Variants in FHIP2A observed in about 807,000 individuals in gnomAD.
FHIP2A encodes the protein family with sequence similarity 160 member B1.
Under a neutral mutation model 93.5 loss-of-function variants are expected in FHIP2A, and 46 were observed. The observed-to-expected ratio is 0.49, with a 90% CI of 0.39 to 0.63. FHIP2A has a LOEUF of 0.63. FHIP2A is among the 20% of genes least tolerant of loss of function. The pLI, the probability that FHIP2A is intolerant of heterozygous loss-of-function variation, is 0.00. For synonymous variants in FHIP2A, 332 were observed against 326.5 expected (o/e 1.02, Z -0.18); for missense variants, 769 against 909.7 (o/e 0.85, Z 1.99).
chr10:114,843,724 AT>A lies in FHIP2A; in HGVS notation c.817-8del, dbSNP rs562216673. Reference sequence around the variant, plus strand: ...TATACAATTCAAGAATTGAAGGGGGATTTTTTTTTCCTTTAGGATGGCAGAA... The same window carrying A: ...TATACAATTCAAGAATTGAAGGGGGATTTTTTTTCCTTTAGGATGGCAGAA... On this transcript the variant is annotated splice_polypyrimidine_tract_variant and intron_variant, in intron 6 of 16. Coordinates refer to ENST00000369248, the MANE Select transcript of FHIP2A (RefSeq NM_020940.4). 9.9e-5 allele frequency: 145 copies of A among 1,464,286 alleles called. 1 individual carries two copies. Among genetic ancestry groups the A allele is most frequent in the South Asian group, 9.9e-4 (66 of 66,756 alleles). 90.7% of individuals were successfully genotyped at this position (1,464,286 alleles called of 1,614,324 possible). A position where few individuals can be genotyped will look rare whatever the true frequency, so the allele number is the denominator to read the frequency against.
intron 7 of FHIP2A, among the ~76,000 whole-genome samples, chr10:114,844,985 G>A (rs1488742583): frequency 6.9e-6 from 1 of 145,962 alleles, no homozygotes; most frequent in Non-Finnish European, 1.5e-5. Context: ...TTAGTAGAGA[G>A]AGAGAGAGAG....
At chr10:114,828,143 T>G (rs2083588150) in intron 1 of FHIP2A, among the ~76,000 whole-genome samples, 1 of 152,204 alleles carries the variant, frequency 6.6e-6, no homozygotes, top group Admixed American at 6.5e-5. Flanking sequence ...AACAAGATTA[T>G]TACTAATCTA....
Position 114,863,251 on chromosome 10 carries a change from A to AT in FHIP2A, c.*1718dup, listed in dbSNP as rs34310961. 0.38 allele frequency: 369,796 copies of AT among 979,180 alleles called. 71,556 individuals are homozygous for AT. The highest frequency in any genetic ancestry group is 0.39 in the Non-Finnish European group (324,756 of 824,304). 60.7% of individuals were successfully genotyped at this position (979,180 alleles called of 1,614,324 possible). On this transcript the variant is annotated 3_prime_UTR_variant, in exon 17 of 17. Transcript: ENST00000369248. ...GATGTGAAGGCATTCAGTTTGCTGT[A>AT]TTTTTTTAATCACTTCATACAAGGA...
At chr10:114,894,395 CAAAAAA>C (rs3086069) in intron 16 of FHIP2A, among the ~76,000 whole-genome samples, 3 of 109,258 alleles carry the variant, frequency 2.7e-5, no homozygotes, top group Non-Finnish European at 5.7e-5. Flanking sequence ...CCCATCTCTA[CAAAAAA>C]AAAAAAAAAA....
At position 114,833,260 on chromosome 10, in the gene FHIP2A, A is replaced by G; in HGVS notation, c.152A>G (p.Asn51Ser). Reference sequence around the variant, plus strand: ...GATAAAGCCCCAGTGACCGATACAAATATTCCATCGCATCTGGAACAGATG... The same window carrying G: ...GATAAAGCCCCAGTGACCGATACAAGTATTCCATCGCATCTGGAACAGATG... ...SDDKAPVTDT[N>S]IPSHLEQMLD... Residue 51 changes from asparagine (N) to serine (S), a missense_variant, in exon 3 of 17, where the codon AAT becomes AGT. Physicochemically the swap from Asn to Ser is conservative, Grantham distance 46. Transcript: ENST00000369248. 1.2e-6 allele frequency: 2 copies of G among 1,612,102 alleles called. No homozygotes were observed. Among genetic ancestry groups the G allele is most frequent in the South Asian group, 1.1e-5 (1 of 90,422 alleles).
rs1268744089 is a variant in FHIP2A, at chr10:114,849,107, A to G, written c.1803+370A>G. Among the ~76,000 whole-genome samples, 3 of 130,072 alleles carry G rather than the reference A, an allele frequency of 2.3e-5. No homozygotes were observed. In the South Asian group the frequency reaches 8.3e-4, roughly 36 times the overall value. The allele number at this position is 130,072 out of a possible 152,430, so 85.3% of individuals were successfully genotyped here. ...CAGTGAGCCAAGATCGTGCCTGGGC[A>G]AGAGAGCAAGACTCCATCTCAAAAA... On this transcript the variant is annotated intron_variant, in intron 13 of 16. Transcript: ENST00000369248.
At chr10:114,825,350 T>C (rs7095816) in intron 1 of FHIP2A, among the ~76,000 whole-genome samples, 81,833 of 152,026 alleles carry the variant, frequency 0.54, 22,564 homozygotes, top group African/African-American at 0.65. Flanking sequence ...TAGTGTTGAC[T>C]GGATGTATTC....
Position 114,848,628 on chromosome 10 carries a change from G to A in FHIP2A, c.1713-19G>A, listed in dbSNP as rs1245643107. On this transcript the variant is annotated intron_variant, in intron 12 of 16. Transcript: ENST00000369248. The stretch of plus-strand genomic sequence containing the variant: ...ATGCAAATGGACATCTTGCATAATT[G>A]TGGCCGTTTTCATTTAAGTTTTCTC... 1 of 1,445,688 alleles carries A rather than the reference G, an allele frequency of 6.9e-7. No homozygotes were observed. The highest frequency in any genetic ancestry group is 9.6e-7 in the Non-Finnish European group (1 of 1,040,334). 89.6% of individuals were successfully genotyped at this position (1,445,688 alleles called of 1,614,324 possible). A position where few individuals can be genotyped will look rare whatever the true frequency, so the allele number is the denominator to read the frequency against.
Position 114,822,129 on chromosome 10 carries a change from G to T in FHIP2A, c.45+6G>T. The T allele has an allele frequency of 7.6e-7, 1 of 1,320,200 alleles. No homozygotes were observed. Among genetic ancestry groups the T allele is most frequent in the Non-Finnish European group, 9.9e-7 (1 of 1,013,012 alleles). The allele number at this position is 1,320,200 out of a possible 1,614,324, so 81.8% of individuals were successfully genotyped here. ...TGCAGCACGCCGTGGAGGCGGTAAGGCCGCGGGCTGCGGGCGCACGGCAGG... is the reference window on the plus strand; with the variant it reads ...TGCAGCACGCCGTGGAGGCGGTAAGTCCGCGGGCTGCGGGCGCACGGCAGG... On this transcript the variant is annotated splice_donor_region_variant and intron_variant, in intron 1 of 16. Coordinates refer to ENST00000369248, the MANE Select transcript of FHIP2A (RefSeq NM_020940.4).
At chr10:114,827,260 T>C (rs892961565) in intron 1 of FHIP2A, among the ~76,000 whole-genome samples, 1 of 152,218 alleles carries the variant, frequency 6.6e-6, no homozygotes, top group African/African-American at 2.4e-5. Context: ...AAATTTGCAG[T>C]ATTACACCTG....
chr10:114,827,796 C>CAA (rs1193460267), intron 1 of FHIP2A, among the ~76,000 whole-genome samples: 2,247 of 83,730 alleles, frequency 0.027, 112 homozygotes, highest in Admixed American at 0.12. Flanking sequence ...GACTCCATCT[C>CAA]AAAAAAAAAA....
chr10:114,882,307 G>A (rs921610079), intron 16 of FHIP2A, among the ~76,000 whole-genome samples: 17 of 152,264 alleles, frequency 1.1e-4, no homozygotes, highest in South Asian at 6.2e-4. Flanking sequence ...TCTTGTGGCT[G>A]GAGAGCCCAT....
At chr10:114,883,522 AAAAT>A (rs2143015372) in intron 16 of FHIP2A, among the ~76,000 whole-genome samples, 1 of 152,328 alleles carries the variant, frequency 6.6e-6, no homozygotes, top group South Asian at 2.1e-4. Context: ...ATACTGGATG[AAAAT>A]AAATGCAATA....
intron 16 of FHIP2A, among the ~76,000 whole-genome samples, chr10:114,876,253 C>T (rs1250977337): frequency 6.6e-6 from 1 of 152,192 alleles, no homozygotes; most frequent in Non-Finnish European, 1.5e-5. Context: ...CCCCAAGGAG[C>T]GCTGTGGACC....
At chr10:114,898,231 G>C (rs556581047) in intron 16 of FHIP2A, among the ~76,000 whole-genome samples, 32 of 152,292 alleles carry the variant, frequency 2.1e-4, no homozygotes, top group African/African-American at 7.7e-4. Flanking sequence ...CCAGCACTGT[G>C]TACAGCTTTG....
rs371338059 is a variant in FHIP2A, at chr10:114,839,762, G to A, written c.523-3171G>A. ...TCGGGCTTGGTGGCCCATGCCTATA[G>A]TCCCAGCTACTCAGGAGGCTGAGGC... On this transcript the variant is annotated intron_variant, in intron 5 of 16. Transcript: ENST00000369248. Among the ~76,000 whole-genome samples the A allele has an allele frequency of 2.0e-5, 3 of 151,480 alleles. No individual in the cohort carries two copies. In the East Asian group the frequency reaches 5.8e-4, roughly 30 times the overall value.
At position 114,836,217 on chromosome 10, in the gene FHIP2A, G is replaced by A. The variant is rs192320674; in HGVS notation, c.493G>A (p.Asp165Asn). 26 of 1,599,372 alleles carry A rather than the reference G, an allele frequency of 1.6e-5. No homozygotes were observed. In the East Asian group the frequency reaches 2.9e-4, roughly 18 times the overall value. The change falls in exon 5 of 17, where the codon GAC becomes AAC. Residue 165 changes from aspartate (D) to asparagine (N), a missense_variant. Transcript: ENST00000369248. ...LCIVCAKLKQDPYLVNFFLEN... is the reference protein window; with the variant it reads ...LCIVCAKLKQNPYLVNFFLEN... Reference sequence around the variant, plus strand: ...CATTGTGTGTGCGAAGCTGAAACAGGACCCCTACCTGGTTAACTTTTTCCT... The same window carrying A: ...CATTGTGTGTGCGAAGCTGAAACAGAACCCCTACCTGGTTAACTTTTTCCT...
intron 16 of FHIP2A, among the ~76,000 whole-genome samples, chr10:114,886,476 G>A (rs574377075): frequency 3.9e-5 from 6 of 151,906 alleles, no homozygotes; most frequent in South Asian, 2.1e-4. Flanking sequence ...AGATGTTAAC[G>A]CGTGCTTTAT....
intron 14 of FHIP2A, among the ~76,000 whole-genome samples, chr10:114,857,059 G>A (rs2083771088): frequency 6.6e-6 from 1 of 151,880 alleles, no homozygotes; most frequent in Non-Finnish European, 1.5e-5. Flanking sequence ...CCTAAGGATA[G>A]CCACTGCACA....
Sources: gnomAD v4.1 joint callset for allele counts (sites outside exome capture counted in the v4.1 genomes callset) on GRCh38, gnomAD v4.1.1 for gene constraint, MANE v1.5 for transcripts, NCBI Gene and HGNC (gene_info 2026-07-23, HGNC 2026-07-21) for gene names.